The following TPD52 variants were observed in gnomAD, a reference collection of about 807,000 sequenced individuals.
The protein encoded by TPD52 is prostate and colon associated protein.
TPD52 carries 17 observed loss-of-function variants against 31.3 expected under a neutral mutation model. That is an observed-to-expected ratio of 0.54 (90% CI 0.37 to 0.82). The LOEUF (loss-of-function observed/expected upper bound fraction) is 0.82, where lower values mean the gene tolerates loss of function less well. Ranked by LOEUF, TPD52 falls within the 40% of genes least tolerant of loss-of-function variation. TPD52 has a pLI of 0.00. For synonymous variants in TPD52, 83 were observed against 89.6 expected (o/e 0.93, Z 0.42); for missense variants, 212 against 240.1 (o/e 0.88, Z 0.77).
chr8:80,054,948 A>C (rs1216282835), intron 2 of TPD52, among the ~76,000 whole-genome samples: 3 of 152,226 alleles, frequency 2.0e-5, no homozygotes, highest in Non-Finnish European at 4.4e-5. Flanking sequence ...GGAAAGAATA[A>C]GGTTCAAAAT....
chr8:80,105,825 G>A (rs1415918447), intron 1 of TPD52, among the ~76,000 whole-genome samples: 2 of 149,368 alleles, frequency 1.3e-5, no homozygotes, highest in African/African-American at 2.5e-5. Flanking sequence ...TCTGCCTCCC[G>A]GATTTAAGCA....
At chr8:80,085,350 T>C (rs1173227707) in intron 1 of TPD52, among the ~76,000 whole-genome samples, 3 of 151,780 alleles carry the variant, frequency 2.0e-5, no homozygotes, top group Non-Finnish European at 4.4e-5. Context: ...GAAAATTAAG[T>C]TTCTGTCTGC....
intron 5 of TPD52, 70 bp from the exon 6 acceptor site, chr8:80,044,278 G>C: frequency 2.3e-6 from 3 of 1,299,850 alleles, no homozygotes; most frequent in Non-Finnish European, 3.1e-6. Flanking sequence ...ATTAAAAGCT[G>C]ACAAAACTTA....
At chr8:80,063,306 A>G (rs1437654465) in intron 2 of TPD52, among the ~76,000 whole-genome samples, 1 of 152,264 alleles carries the variant, frequency 6.6e-6, no homozygotes, top group African/African-American at 2.4e-5. Flanking sequence ...AAGGTTACAT[A>G]TTGTATGATT....
intron 1 of TPD52, among the ~76,000 whole-genome samples, chr8:80,093,290 A>C (rs1694271704): frequency 6.6e-6 from 1 of 151,920 alleles, no homozygotes. Context: ...AGTGGTCTCT[A>C]TGGTGAGATT....
chr8:80,094,711 A>G (rs1816597143), intron 1 of TPD52, among the ~76,000 whole-genome samples: 1 of 151,702 alleles, frequency 6.6e-6, no homozygotes. Context: ...TATACTTAAA[A>G]ATGGTTAAAA....
chr8:80,149,768 T>C (rs973960220), intron 1 of TPD52, among the ~76,000 whole-genome samples: 2 of 152,160 alleles, frequency 1.3e-5, no homozygotes, highest in Non-Finnish European at 2.9e-5. Flanking sequence ...CTAGAGATAA[T>C]GGTAGAACTT....
At chr8:80,050,751 C>T (rs182667421) in intron 4 of TPD52, among the ~76,000 whole-genome samples, 1 of 152,102 alleles carries the variant, frequency 6.6e-6, no homozygotes, top group African/African-American at 2.4e-5. Context: ...ATAAATTGAC[C>T]AAATCTATTC....
At chr8:80,129,763 G>C (rs59931775) in intron 1 of TPD52, among the ~76,000 whole-genome samples, 24,413 of 147,426 alleles carry the variant, frequency 0.17, 3,255 homozygotes, top group African/African-American at 0.37. Context: ...GCAGTGGCGC[G>C]ATCTCAGCTC....
At chr8:80,103,692 C>A (rs1806906353) in intron 1 of TPD52, among the ~76,000 whole-genome samples, 1 of 152,170 alleles carries the variant, frequency 6.6e-6, no homozygotes, top group South Asian at 2.1e-4. Flanking sequence ...CATTCTAACA[C>A]TAGCGTCAAG....
intron 1 of TPD52, among the ~76,000 whole-genome samples, chr8:80,150,435 T>C (rs768621520): frequency 6.6e-6 from 1 of 152,112 alleles, no homozygotes; most frequent in Non-Finnish European, 1.5e-5. Context: ...AGTGGAGCTG[T>C]GAGAAGAGGG....
chr8:80,055,705 T>A (rs562008663), intron 2 of TPD52, among the ~76,000 whole-genome samples: 1 of 151,968 alleles, frequency 6.6e-6, no homozygotes, highest in South Asian at 2.1e-4. Flanking sequence ...AAACAAGCAA[T>A]CCCATTTAAA....
intron 2 of TPD52, among the ~76,000 whole-genome samples, chr8:80,058,328 T>C (rs1307451863): frequency 6.6e-6 from 1 of 152,108 alleles, no homozygotes; most frequent in Non-Finnish European, 1.5e-5. Flanking sequence ...TAGCAAAAAA[T>C]GGAAACAATC....
chr8:80,150,210 C>A (rs1268638712), intron 1 of TPD52, among the ~76,000 whole-genome samples: 1 of 152,254 alleles, frequency 6.6e-6, no homozygotes, highest in Non-Finnish European at 1.5e-5. Context: ...GCCTTGGCAG[C>A]TTCCACCTGG....
rs898440655 is a variant in TPD52, at chr8:80,050,367, C to T, written c.413+78G>A. ...GTACTGGACAAACACGATCATCCAA[C>T]GTAGCATGGTAATCTAATCTCAGCA... On this transcript the variant is annotated intron_variant, in intron 5 of 7. Coordinates refer to ENST00000518937, the MANE Select transcript of TPD52 (RefSeq NM_001025253.3). 9.2e-6 allele frequency: 13 copies of T among 1,406,750 alleles called. No homozygotes were observed. In the Admixed American group the frequency reaches 2.7e-4, roughly 29 times the overall value. The allele number at this position is 1,406,750 out of a possible 1,614,324, so 87.1% of individuals were successfully genotyped here. A position where few individuals can be genotyped will look rare whatever the true frequency, so the allele number is the denominator to read the frequency against.
chr8:80,063,156 A>G (rs1812725304), intron 2 of TPD52, among the ~76,000 whole-genome samples: 1 of 152,216 alleles, frequency 6.6e-6, no homozygotes, highest in South Asian at 2.1e-4. Context: ...CCAAATGTCT[A>G]TGAATGGATA....
intron 1 of TPD52, among the ~76,000 whole-genome samples, chr8:80,105,511 T>A (rs1807038014): frequency 6.6e-6 from 1 of 152,066 alleles, no homozygotes; most frequent in South Asian, 2.1e-4. Context: ...CCCTTAGAGT[T>A]GTAAGCCCTT....
At chr8:80,052,205 A>G (rs888804310) in intron 3 of TPD52, among the ~76,000 whole-genome samples, 1 of 152,234 alleles carries the variant, frequency 6.6e-6, no homozygotes, top group Non-Finnish European at 1.5e-5. Flanking sequence ...AAAATATGCA[A>G]TGCTTAAAAT....
At chr8:80,132,396 C>T (rs1211860933) in intron 1 of TPD52, among the ~76,000 whole-genome samples, 1 of 151,930 alleles carries the variant, frequency 6.6e-6, no homozygotes, top group Non-Finnish European at 1.5e-5. Context: ...TTGGTAGAGA[C>T]GTGGTTTTTC....
Sources: allele counts gnomAD v4.1 joint callset (sites outside exome capture counted in the v4.1 genomes callset), GRCh38; gene constraint gnomAD v4.1.1; transcripts MANE v1.5; gene names NCBI Gene and HGNC (gene_info 2026-07-23, HGNC 2026-07-21).